The following SYNJ1 variants were observed in gnomAD, a reference collection of about 807,000 sequenced individuals.
The protein encoded by SYNJ1 is polyphosphatidylinositol phosphatase SYNJ1.
SYNJ1 carries 78 observed loss-of-function variants against 168.2 expected under a neutral mutation model. The ratio of observed to expected loss-of-function variants is 0.46; its 90% CI spans 0.39 to 0.56. The LOEUF (loss-of-function observed/expected upper bound fraction) is 0.56. SYNJ1 is among the 20% of genes least tolerant of loss of function. The probability of loss-of-function intolerance (pLI) is 0.00; values close to 1 mark genes in which losing one functional copy is unlikely to be tolerated. For missense variants in SYNJ1, 1,303 were observed against 1,597.6 expected, an observed-to-expected ratio of 0.82 and a Z score of 3.14; for synonymous variants, 539 against 548.6, an observed-to-expected ratio of 0.98 and a Z score of 0.24.
At chr21:32,716,813 C>T (rs1452480258) in intron 2 of SYNJ1, among the ~76,000 whole-genome samples, 1 of 152,130 alleles carries the variant, frequency 6.6e-6, no homozygotes, top group East Asian at 1.9e-4. Flanking sequence ...CACTGATGCT[C>T]TGTGTATTTA....
intron 2 of SYNJ1, among the ~76,000 whole-genome samples, chr21:32,720,612 C>T (rs2043186260): frequency 6.6e-6 from 1 of 152,132 alleles, no homozygotes; most frequent in African/African-American, 2.4e-5. Flanking sequence ...GATTTGAGTC[C>T]TAATCTGACT....
At chr21:32,668,009 ATGTGTGTGTGTGTGTG>A (rs3056370) in intron 15 of SYNJ1, among the ~76,000 whole-genome samples, 7 of 143,902 alleles carry the variant, frequency 4.9e-5, no homozygotes, top group South Asian at 2.2e-4. Context: ...AAGAATATAT[ATGTGTGTGTGTGTGTG>A]TGTGTGTGTG....
intron 6 of SYNJ1, among the ~76,000 whole-genome samples, chr21:32,690,094 G>A (rs1033053116): frequency 6.6e-6 from 1 of 152,172 alleles, no homozygotes; most frequent in South Asian, 2.1e-4. Flanking sequence ...CAGTTTTCAT[G>A]TCTTCCAGGT....
intron 12 of SYNJ1, among the ~76,000 whole-genome samples, chr21:32,677,268 C>T (rs1227419092): frequency 6.6e-6 from 1 of 152,106 alleles, no homozygotes; most frequent in Non-Finnish European, 1.5e-5. Flanking sequence ...CACTTTTCTG[C>T]ATTTACCTAG....
chr21:32,636,116 C>T (rs1244288466), intron 31 of SYNJ1, among the ~76,000 whole-genome samples: 2 of 152,148 alleles, frequency 1.3e-5, no homozygotes, highest in Non-Finnish European at 2.9e-5. Flanking sequence ...TAGGTTTATA[C>T]TGAGAGGTAC....
At chr21:32,667,808 C>T (rs930471569) in intron 15 of SYNJ1, among the ~76,000 whole-genome samples, 4 of 152,024 alleles carry the variant, frequency 2.6e-5, no homozygotes, top group Non-Finnish European at 5.9e-5. Flanking sequence ...CTCTCTTTTC[C>T]ATTGCACTTT....
chr21:32,699,499 C>G (rs142372944), intron 4 of SYNJ1, among the ~76,000 whole-genome samples: 1 of 152,296 alleles, frequency 6.6e-6, no homozygotes, highest in East Asian at 1.9e-4. Flanking sequence ...TTATCAGGAT[C>G]TACTTAACAA....
intron 2 of SYNJ1, among the ~76,000 whole-genome samples, chr21:32,704,759 G>A (rs949286502): frequency 2.0e-5 from 3 of 152,126 alleles, no homozygotes; most frequent in African/African-American, 7.2e-5. Context: ...TTATCTATGG[G>A]GTATGATCAA....
At chr21:32,728,111 G>GCCC, upstream of SYNJ1, 10 of 1,472,104 alleles carry the variant, frequency 6.8e-6, no homozygotes, top group South Asian at 1.3e-4. Context: ...GGGAGACCAC[G>GCCC]CCCACTCTGC....
intron 2 of SYNJ1, among the ~76,000 whole-genome samples, chr21:32,723,870 G>C (rs1454678324): frequency 1.3e-5 from 2 of 152,120 alleles, no homozygotes; most frequent in Non-Finnish European, 2.9e-5. Context: ...TTGTGATACA[G>C]AGTAAGTTCT....
chr21:32,634,971 A>G, intron 31 of SYNJ1, 87 bp from the exon 32 acceptor site: 2 of 1,409,326 alleles, frequency 1.4e-6, no homozygotes, highest in Non-Finnish European at 2.0e-6. Flanking sequence ...AGTCAACAAA[A>G]TGCTTTCTAA....
At chr21:32,671,598 A>G (rs2041190491) in intron 14 of SYNJ1, among the ~76,000 whole-genome samples, 1 of 152,182 alleles carries the variant, frequency 6.6e-6, no homozygotes, top group South Asian at 2.1e-4. Context: ...TTCCCTTTCA[A>G]TGTCTCAGTT....
In SYNJ1 at chr21:32,714,405, G is replaced by A. The variant is rs758674375; in HGVS notation, c.125-12358C>T. 3.9e-5 allele frequency among the ~76,000 whole-genome samples: 6 copies of A among 152,150 alleles called. 1 individual carries two copies. The highest frequency in any genetic ancestry group is 1.5e-5 in the Non-Finnish European group (1 of 68,016). ...TGGGGTGTAGGCGTGGTAAGTAGAA[G>A]CAGAGGGACCAGTTAAGGAGGGAAT... On this transcript the variant is annotated intron_variant, in intron 2 of 32. Coordinates refer to ENST00000674351, the MANE Select transcript of SYNJ1 (RefSeq NM_203446.3).
intron 2 of SYNJ1, among the ~76,000 whole-genome samples, chr21:32,721,612 G>A (rs1339990087): frequency 1.3e-5 from 2 of 152,028 alleles, no homozygotes; most frequent in African/African-American, 4.8e-5. Flanking sequence ...CCAGGAGGCG[G>A]AGGCTGTAGT....
intron 18 of SYNJ1, among the ~76,000 whole-genome samples, chr21:32,658,907 T>C (rs1319404344): frequency 6.6e-6 from 1 of 152,174 alleles, no homozygotes. Flanking sequence ...ACTACATGAA[T>C]AAGGGAATTC....
In SYNJ1 at chr21:32,657,883, C is replaced by T; in HGVS notation, c.2305-11G>A. 6.2e-7 allele frequency: 1 copy of T among 1,603,704 alleles called. No individual in the cohort carries two copies. Among genetic ancestry groups the T allele is most frequent in the African/African-American group, 1.3e-5 (1 of 74,428 alleles). On this transcript the variant is annotated splice_polypyrimidine_tract_variant and intron_variant, in intron 18 of 32. Transcript: ENST00000674351. ...AAATCCTCTAAAAACCTAAAATAAA[C>T]ATATACAAAGTAAGTTATTCCCAAA... is the stretch of plus-strand genomic sequence containing the variant.
At position 32,727,931 on chromosome 21, in the gene SYNJ1, C is replaced by A; in HGVS notation, c.-23+15G>T. The stretch of plus-strand genomic sequence containing the variant: ...CTGGCCGCAGCAGCTCCCCGCCCCC[C>A]GCCGGCTTGCTCACCTCTTCCTCCG... On this transcript the variant is annotated intron_variant, in intron 1 of 32. Transcript: ENST00000674351. 2 of 1,532,240 alleles carry A rather than the reference C, an allele frequency of 1.3e-6. No homozygotes were observed. Among genetic ancestry groups the A allele is most frequent in the Non-Finnish European group, 1.7e-6 (2 of 1,145,680 alleles). 94.9% of individuals were successfully genotyped at this position (1,532,240 alleles called of 1,614,324 possible). A position where few individuals can be genotyped will look rare whatever the true frequency, so the allele number is the denominator to read the frequency against.
chr21:32,695,492 G>A (rs1184676043), intron 4 of SYNJ1, among the ~76,000 whole-genome samples: 1 of 152,008 alleles, frequency 6.6e-6, no homozygotes, highest in Non-Finnish European at 1.5e-5. Context: ...CCACAGAAAA[G>A]GAGTATTTTT....
chr21:32,638,907 C>T lies in SYNJ1; in HGVS notation c.3915+1G>A, dbSNP rs1220970884. On this transcript the variant is annotated splice_donor_variant, in intron 31 of 32. Transcript: ENST00000674351. LOFTEE classifies it high-confidence loss of function. ...TATTTTGTGTAACAAATGAGACTTA[C>T]TTGCGGTTGTGAGGAAGCTTCTGAA... is the stretch of plus-strand genomic sequence containing the variant. 3 of 1,594,302 alleles carry T rather than the reference C, an allele frequency of 1.9e-6. No individual in the cohort carries two copies. Among genetic ancestry groups the T allele is most frequent in the Non-Finnish European group, 2.6e-6 (3 of 1,167,634 alleles).
Sources: gnomAD v4.1 joint callset for allele counts (sites outside exome capture counted in the v4.1 genomes callset) on GRCh38, gnomAD v4.1.1 for gene constraint, MANE v1.5 for transcripts, NCBI Gene and HGNC (gene_info 2026-07-23, HGNC 2026-07-21) for gene names.